The following MTX2 variants were observed in gnomAD, a reference collection of about 807,000 sequenced individuals.
MTX2 encodes the protein metaxin-2.
A neutral mutation model predicts 42.3 loss-of-function variants in MTX2; 35 were observed. The ratio of observed to expected loss-of-function variants is 0.83; its 90% CI spans 0.63 to 1.10. MTX2 has a LOEUF of 1.10. Among genes scored for constraint, MTX2 ranks in the 50% least tolerant of loss-of-function variants. MTX2 has a pLI of 0.00. For missense variants in MTX2, 307 were observed against 304.1 expected (o/e 1.01, Z -0.07); for synonymous variants, 119 against 100.9 (o/e 1.18, Z -1.08).
intron 3 of MTX2, among the ~76,000 whole-genome samples, chr2:176,317,055 A>C (rs892780842): frequency 2.6e-5 from 4 of 151,648 alleles, no homozygotes; most frequent in African/African-American, 9.7e-5. Context: ...AAAAAAACAA[A>C]AACTTTTATT....
chr2:176,274,284 AT>A (rs1471890825), intron 1 of MTX2, among the ~76,000 whole-genome samples: 1 of 152,166 alleles, frequency 6.6e-6, no homozygotes, highest in African/African-American at 2.4e-5. Context: ...GAGCAAAGCT[AT>A]TTCATTCTCT....
At chr2:176,311,621 C>T (rs948825304) in intron 3 of MTX2, among the ~76,000 whole-genome samples, 1 of 152,340 alleles carries the variant, frequency 6.6e-6, no homozygotes, top group East Asian at 1.9e-4. Context: ...GGACACCCCT[C>T]CTCCAGCCAG....
chr2:176,305,428 G>C (rs1684117814), intron 3 of MTX2, among the ~76,000 whole-genome samples: 1 of 151,974 alleles, frequency 6.6e-6, no homozygotes, highest in African/African-American at 2.4e-5. Flanking sequence ...GTTGTGTTAG[G>C]TTATTGGGTT....
intron 3 of MTX2, among the ~76,000 whole-genome samples, chr2:176,314,296 G>A (rs936059061): frequency 2.0e-5 from 3 of 151,996 alleles, no homozygotes; most frequent in Admixed American, 6.6e-5. Context: ...AATTAGCTGG[G>A]TGTAGTAGTA....
intron 1 of MTX2, among the ~76,000 whole-genome samples, chr2:176,293,013 A>G (rs900717114): frequency 2.6e-5 from 4 of 152,174 alleles, no homozygotes; most frequent in Non-Finnish European, 5.9e-5. Flanking sequence ...TGTGTAGTTC[A>G]TTATTTACTT....
Position 176,270,295 on chromosome 2 carries a change from C to T in MTX2, c.40+626C>T, listed in dbSNP as rs534185302. 7.9e-6 allele frequency: 10 copies of T among 1,273,430 alleles called. No homozygotes were observed. In the South Asian group the frequency reaches 1.3e-4, roughly 17 times the overall value. 78.9% of individuals were successfully genotyped at this position (1,273,430 alleles called of 1,614,324 possible). A position where few individuals can be genotyped will look rare whatever the true frequency, so the allele number is the denominator to read the frequency against. ...AAGCGATTCTCCTGCCTTAGCCTCC[C>T]GAGTAGTTGGGATTACAGGCGCCCG... On this transcript the variant is annotated intron_variant, in intron 1 of 9. Coordinates refer to ENST00000249442, the MANE Select transcript of MTX2 (RefSeq NM_006554.5).
Position 176,269,483 on chromosome 2 carries a change from C to A in MTX2, c.-147C>A. ...GGCGGTAACCTTGGGGGCCTCACTG[C>A]AGCCGCCGCTGCTGTTGGAGTGGGC... On this transcript the variant is annotated 5_prime_UTR_variant, in exon 1 of 10. Transcript: ENST00000249442. 1.1e-6 allele frequency: 1 copy of A among 897,162 alleles called. No homozygotes were observed. Among genetic ancestry groups the A allele is most frequent in the Non-Finnish European group, 1.6e-6 (1 of 626,882 alleles). The allele number at this position is 897,162 out of a possible 1,614,324, so 55.6% of individuals were successfully genotyped here.
intron 9 of MTX2, among the ~76,000 whole-genome samples, chr2:176,334,962 C>G (rs1222531887): frequency 4.6e-5 from 7 of 151,650 alleles, no homozygotes; most frequent in Non-Finnish European, 1.5e-5. Flanking sequence ...AGGAATTGTT[C>G]TAGGTATTGG....
At chr2:176,314,216 ACT>A (rs1255309799) in intron 3 of MTX2, among the ~76,000 whole-genome samples, 2 of 152,152 alleles carry the variant, frequency 1.3e-5, no homozygotes, top group East Asian at 3.9e-4. Flanking sequence ...CGGGCAGATC[ACT>A]TGAGGCCAGG....
chr2:176,333,201 A>G (rs755431421), intron 9 of MTX2, among the ~76,000 whole-genome samples: 3 of 151,560 alleles, frequency 2.0e-5, no homozygotes, highest in Non-Finnish European at 4.4e-5. Context: ...CTTAGAGCTC[A>G]TAGGAGGGGA....
chr2:176,269,650 C>G lies in MTX2; in HGVS notation c.21C>G (p.Ala7=), dbSNP rs1057344987. Residue 7 remains alanine (A), a synonymous_variant, in exon 1 of 10, where the codon GCC becomes GCG. Coordinates refer to ENST00000249442, the MANE Select transcript of MTX2 (RefSeq NM_006554.5). Reference sequence around the variant, plus strand: ...CCGACATGTCTCTAGTGGCGGAAGCCTTCGTCTCCCAGATTGCAGGTAGCG... The same window carrying G: ...CCGACATGTCTCTAGTGGCGGAAGCGTTCGTCTCCCAGATTGCAGGTAGCG... MSLVAE[A]FVSQIAAAEP... The G allele has an allele frequency of 1.3e-6, 2 of 1,597,880 alleles. No individual in the cohort carries two copies. Among genetic ancestry groups the G allele is most frequent in the Non-Finnish European group, 1.7e-6 (2 of 1,174,992 alleles).
At chr2:176,293,809 A>G (rs1280109919) in intron 1 of MTX2, among the ~76,000 whole-genome samples, 3 of 152,200 alleles carry the variant, frequency 2.0e-5, no homozygotes, top group Non-Finnish European at 4.4e-5. Context: ...AGAATCATGT[A>G]GGTGATGCAC....
At chr2:176,327,688 C>T (rs1485986686) in intron 5 of MTX2, among the ~76,000 whole-genome samples, 14 of 149,902 alleles carry the variant, frequency 9.3e-5, no homozygotes, top group Non-Finnish European at 2.1e-4. Flanking sequence ...TTATAGAGTA[C>T]TAAGATAAAT....
At chr2:176,303,807 A>T (rs1034168083) in intron 3 of MTX2, among the ~76,000 whole-genome samples, 8 of 152,088 alleles carry the variant, frequency 5.3e-5, no homozygotes, top group Admixed American at 5.2e-4. Flanking sequence ...AATTAGTGAA[A>T]TAATGTAAAA....
At chr2:176,296,172 C>A (rs1255204769) in intron 1 of MTX2, among the ~76,000 whole-genome samples, 2 of 152,096 alleles carry the variant, frequency 1.3e-5, no homozygotes, top group African/African-American at 4.8e-5. Context: ...AGGGTCAAGT[C>A]AAGTTTCATT....
intron 9 of MTX2, among the ~76,000 whole-genome samples, chr2:176,333,737 GT>G (rs1315231555): frequency 6.6e-6 from 1 of 151,490 alleles, no homozygotes; most frequent in African/African-American, 2.4e-5. Flanking sequence ...CCTTTTCTGT[GT>G]TTAGATATGT....
At chr2:176,326,723 C>T (rs1315785292) in intron 4 of MTX2, 102 bp from the exon 5 acceptor site, 2 of 711,876 alleles carry the variant, frequency 2.8e-6, no homozygotes, top group Non-Finnish European at 4.4e-6. Context: ...TTATGAAATC[C>T]CTATTTATAA....
chr2:176,290,675 A>G (rs1311740207), intron 1 of MTX2, among the ~76,000 whole-genome samples: 1 of 151,926 alleles, frequency 6.6e-6, no homozygotes, highest in Non-Finnish European at 1.5e-5. Flanking sequence ...CTAGAATGAT[A>G]CCTACATGGT....
At chr2:176,306,847 T>A (rs1026476013) in intron 3 of MTX2, among the ~76,000 whole-genome samples, 1 of 152,060 alleles carries the variant, frequency 6.6e-6, no homozygotes, top group African/African-American at 2.4e-5. Context: ...TTTTCTCCCA[T>A]TCTGTAGGTT....
Sources: allele counts gnomAD v4.1 joint callset (sites outside exome capture counted in the v4.1 genomes callset), GRCh38; gene constraint gnomAD v4.1.1; transcripts MANE v1.5; gene names NCBI Gene and HGNC (gene_info 2026-07-23, HGNC 2026-07-21).